The following AMPD3 variants were observed in gnomAD, a reference collection of about 807,000 sequenced individuals.
AMPD3 encodes AMP deaminase 3.
A neutral mutation model predicts 82.3 loss-of-function variants in AMPD3; 57 were observed. That is an observed-to-expected ratio of 0.69 (90% CI 0.56 to 0.86). AMPD3 has a LOEUF of 0.86. Ranked by LOEUF, AMPD3 falls within the 40% of genes least tolerant of loss-of-function variation. AMPD3 has a pLI of 0.00. For missense variants in AMPD3, 870 were observed against 1,003.8 expected (o/e 0.87, Z 1.80); for synonymous variants, 381 against 394.7 (o/e 0.97, Z 0.41).
At chr11:10,455,672 C>T (rs1315305902) in intron 1 of AMPD3, among the ~76,000 whole-genome samples, 1 of 152,084 alleles carries the variant, frequency 6.6e-6, no homozygotes, top group Admixed American at 6.5e-5. Flanking sequence ...TGAGGCAGTT[C>T]CTGCTCCCTG....
Position 10,498,402 on chromosome 11 carries a change from C to T in AMPD3, c.1557+1464C>T, listed in dbSNP as rs79409603. ...GAGGAAGAGCAGGAGGAGGAGACAA[C>T]GCATTTTGCACCCGAGGCTGTGGGA... On this transcript the variant is annotated intron_variant, in intron 10 of 14. Coordinates refer to ENST00000396553, the MANE Select transcript of AMPD3 (RefSeq NM_001025389.2). 6.0e-3 allele frequency: 916 copies of T among 153,464 alleles called. 7 individuals are homozygous for T. Among genetic ancestry groups the T allele is most frequent in the African/African-American group, 0.02 (851 of 41,538 alleles). The allele number at this position is 153,464 out of a possible 1,614,324, so 9.5% of individuals were successfully genotyped here.
intron 4 of AMPD3, chr11:10,484,505 T>C (rs907443773): frequency 1.0e-6 from 1 of 985,266 alleles, no homozygotes; most frequent in East Asian, 1.1e-4. Flanking sequence ...TTTTAAAAAA[T>C]TGTTGAAGTG....
intron 10 of AMPD3, chr11:10,497,704 C>A: frequency 1.0e-6 from 1 of 984,770 alleles, no homozygotes; most frequent in Non-Finnish European, 1.2e-6. Flanking sequence ...GTGGAGTTGG[C>A]CCAGAAGAGA....
At chr11:10,490,951 G>C (rs1174656266) in intron 6 of AMPD3, among the ~76,000 whole-genome samples, 1 of 152,228 alleles carries the variant, frequency 6.6e-6, no homozygotes, top group East Asian at 1.9e-4. Flanking sequence ...AGAATGGCAA[G>C]ATTAATGGCA....
intron 14 of AMPD3, 123 bp from the exon 15 acceptor site, chr11:10,505,585 G>A: frequency 6.6e-7 from 1 of 1,518,872 alleles, no homozygotes; most frequent in Non-Finnish European, 8.8e-7. Context: ...AAGATGTCCT[G>A]ACCAAAGATC....
chr11:10,503,207 A>G (rs1208875215), intron 13 of AMPD3, among the ~76,000 whole-genome samples: 1 of 152,240 alleles, frequency 6.6e-6, no homozygotes, highest in Non-Finnish European at 1.5e-5. Context: ...CTTCATCTGT[A>G]AAATGGAGAT....
rs1263638580 is a variant in AMPD3, at chr11:10,506,683, T to C, written c.*799T>C. On this transcript the variant is annotated 3_prime_UTR_variant, in exon 15 of 15. Transcript: ENST00000396553. The surrounding 1 kb of genome is among the most constrained non-coding windows in gnomAD (Gnocchi z 4.1). ...AATATTTTCATTTGAACGAAGAACTTCAAAAAGCACAGGACTAGATGATCT... is the reference window on the plus strand; with the variant it reads ...AATATTTTCATTTGAACGAAGAACTCCAAAAAGCACAGGACTAGATGATCT... 3.3e-5 allele frequency: 5 copies of C among 152,588 alleles called. No homozygotes were observed. The highest frequency in any genetic ancestry group is 9.7e-5 in the African/African-American group (4 of 41,450). 9.5% of individuals were successfully genotyped at this position (152,588 alleles called of 1,614,324 possible). A position where few individuals can be genotyped will look rare whatever the true frequency, so the allele number is the denominator to read the frequency against.
Position 10,461,565 on chromosome 11 carries a change from C to G in AMPD3, c.46C>G (p.Gln16Glu), listed in dbSNP as rs143425698. 1.4e-4 allele frequency: 230 copies of G among 1,614,220 alleles called. No homozygotes were observed. The highest frequency in any genetic ancestry group is 4.9e-4 in the Middle Eastern group (3 of 6,062). ...GCTGAACATCTCTGAAGTGGATGAG[C>G]AAGTCCGGCTCCTGGCGGAGAAGGT... ...PKLNISEVDEQVRLLAEKVFA... is the reference protein window; with the variant it reads ...PKLNISEVDEEVRLLAEKVFA... Residue 16 changes from glutamine to glutamate, a missense_variant, in exon 2 of 15, where the codon CAA becomes GAA. Transcript: ENST00000396553.
At chr11:10,479,118 A>C (rs1293851313) in intron 3 of AMPD3, among the ~76,000 whole-genome samples, 1 of 152,014 alleles carries the variant, frequency 6.6e-6, no homozygotes, top group East Asian at 1.9e-4. Flanking sequence ...GTTTGTGTGA[A>C]ATTAGTTGTT....
intron 2 of AMPD3, among the ~76,000 whole-genome samples, chr11:10,469,953 T>C (rs546838371): frequency 6.8e-6 from 1 of 146,378 alleles, no homozygotes; most frequent in Non-Finnish European, 1.5e-5. Context: ...GGCAGGAGAA[T>C]GGCGTGAACC....
chr11:10,493,782 C>T, intron 7 of AMPD3: 1 of 587,180 alleles, frequency 1.7e-6, no homozygotes, highest in Non-Finnish European at 3.1e-6. Flanking sequence ...CCACTCCTGC[C>T]ACTTAGGAGT....
intron 11 of AMPD3, chr11:10,501,106 C>T (rs567798913): frequency 9.1e-6 from 9 of 985,246 alleles, no homozygotes; most frequent in Admixed American, 6.1e-5. Flanking sequence ...CCTTGGTTTG[C>T]CCATTTCCAT....
At chr11:10,484,762 G>A in intron 4 of AMPD3, 58 bp from the exon 5 acceptor site, 2 of 1,591,106 alleles carry the variant, frequency 1.3e-6, no homozygotes, top group Middle Eastern at 2.0e-4. Context: ...TGTCTTTTGA[G>A]CCCATGTGTG....
chr11:10,490,830 G>C (rs1849220070), intron 6 of AMPD3, among the ~76,000 whole-genome samples: 1 of 152,192 alleles, frequency 6.6e-6, no homozygotes, highest in East Asian at 1.9e-4. Flanking sequence ...ACCTTCTTTT[G>C]TGCATCCCAC....
chr11:10,503,575 A>G (rs1160635099), intron 13 of AMPD3, among the ~76,000 whole-genome samples: 1 of 152,242 alleles, frequency 6.6e-6, no homozygotes, highest in Non-Finnish European at 1.5e-5. Flanking sequence ...TGTGGGTTAT[A>G]TCTACTGATA....
At chr11:10,482,356 C>G in intron 4 of AMPD3, 131 bp downstream of exon 4, 1 of 1,059,408 alleles carries the variant, frequency 9.4e-7, no homozygotes, top group Non-Finnish European at 1.3e-6. Context: ...TGGCTTCTCC[C>G]ACACTGATGT....
intron 10 of AMPD3, among the ~76,000 whole-genome samples, chr11:10,498,119 C>T (rs1344165346): frequency 1.3e-5 from 2 of 152,216 alleles, no homozygotes; most frequent in Non-Finnish European, 2.9e-5. Context: ...TCTATGTTGC[C>T]TCCCAAGTGA....
intron 3 of AMPD3, chr11:10,480,049 T>C: frequency 2.4e-6 from 2 of 824,050 alleles, no homozygotes; most frequent in Non-Finnish European, 2.9e-6. Flanking sequence ...GCCTGTAGCA[T>C]ATAATAGCTT....
intron 2 of AMPD3, among the ~76,000 whole-genome samples, chr11:10,462,524 T>G (rs76846960): frequency 0.069 from 10,543 of 152,216 alleles, 540 homozygotes; most frequent in South Asian, 0.21. Context: ...AAGGCAGAGA[T>G]GGAGGCAGGC....
Sources: gnomAD v4.1 joint callset for allele counts (sites outside exome capture counted in the v4.1 genomes callset) on GRCh38, gnomAD v4.1.1 for gene constraint, Gnocchi (gnomAD v3.1) non-coding constraint, MANE v1.5 for transcripts, NCBI Gene and HGNC (gene_info 2026-07-23, HGNC 2026-07-21) for gene names.